The following SPG11 variants were observed in gnomAD, a reference collection of about 807,000 sequenced individuals.
SPG11 encodes the protein spatacsin.
In SPG11, 222 loss-of-function variants were observed where a neutral mutation model predicts 274.0. The observed-to-expected ratio is 0.81, with a 90% CI of 0.73 to 0.91. SPG11 has a LOEUF of 0.91. Ranked by LOEUF, SPG11 falls within the 40% of genes least tolerant of loss-of-function variation. SPG11 has a pLI of 0.00. For synonymous variants in SPG11, 1,144 were observed against 1,039.7 expected (o/e 1.10, Z -1.93); for missense variants, 3,114 against 2,872.7 (o/e 1.08, Z -1.92).
At chr15:44,603,802 A>G (rs748826438) in intron 20 of SPG11, among the ~76,000 whole-genome samples, 26 of 152,188 alleles carry the variant, frequency 1.7e-4, no homozygotes, top group Non-Finnish European at 3.2e-4. Context: ...TATAATACCC[A>G]ATAAATGTAA....
chr15:44,608,576 A>G lies in SPG11; in HGVS notation c.3321T>C (p.Cys1107=). ...ATAGCTGGGGATCCACTTTCTTCAA[A>G]CAGTTTTCATTTTCTTCATTCTGAA... ...QVVQNEENEN[C]LKKVDPQLLK... The change falls in exon 19 of 40, where the codon TGT becomes TGC. Residue 1107 remains cysteine, a synonymous_variant. Coordinates refer to ENST00000261866, the MANE Select transcript of SPG11 (RefSeq NM_025137.4). The G allele has an allele frequency of 6.2e-7, 1 of 1,613,984 alleles. No individual in the cohort carries two copies. Among genetic ancestry groups the G allele is most frequent in the South Asian group, 1.1e-5 (1 of 91,080 alleles).
intron 28 of SPG11, among the ~76,000 whole-genome samples, chr15:44,586,214 C>T (rs1172016882): frequency 2.0e-5 from 3 of 149,836 alleles, no homozygotes; most frequent in African/African-American, 2.5e-5. Flanking sequence ...CGACCGTGCC[C>T]GGACAAAAAA....
At chr15:44,614,216 C>G (rs1344189408) in intron 16 of SPG11, among the ~76,000 whole-genome samples, 1 of 152,136 alleles carries the variant, frequency 6.6e-6, no homozygotes, top group East Asian at 1.9e-4. Context: ...AATACAACTT[C>G]TCTTGGAACT....
At position 44,600,553 on chromosome 15, in the gene SPG11, A is replaced by T. The variant is rs970246397; in HGVS notation, c.3600T>A (p.Ala1200=). The change falls in exon 21 of 40, where the codon GCT becomes GCA. Residue 1200 remains alanine, a synonymous_variant. Coordinates refer to ENST00000261866, the MANE Select transcript of SPG11 (RefSeq NM_025137.4). ...KYAIVERLNF[A]YYLHNGRPSF... ...ATGGCCGCCCATTATGTAAATAATA[A>T]GCAAAATTCAGACGTTCCACTATAG... is the stretch of plus-strand genomic sequence containing the variant. 6.2e-7 allele frequency: 1 copy of T among 1,614,222 alleles called. No individual in the cohort carries two copies. Among genetic ancestry groups the T allele is most frequent in the Non-Finnish European group, 8.5e-7 (1 of 1,180,030 alleles).
At chr15:44,570,161 G>C (rs958019000) in intron 34 of SPG11, among the ~76,000 whole-genome samples, 2 of 152,176 alleles carry the variant, frequency 1.3e-5, no homozygotes, top group African/African-American at 4.8e-5. Context: ...AGGCACATGG[G>C]AACTGAGTTG....
In SPG11 at chr15:44,570,670, G is replaced by A; in HGVS notation, c.6344-12C>T. On this transcript the variant is annotated splice_polypyrimidine_tract_variant and intron_variant, in intron 33 of 39. Transcript: ENST00000261866. ...CAGGAGCTCTGTGGCTGGGAGGGTG[G>A]GCACTGGTAAGATAAGATTATGAAC... 1 of 1,613,210 alleles carries A rather than the reference G, an allele frequency of 6.2e-7. No individual in the cohort carries two copies. The highest frequency in any genetic ancestry group is 8.5e-7 in the Non-Finnish European group (1 of 1,179,676).
intron 19 of SPG11, 135 bp from the exon 20 acceptor site, chr15:44,606,226 A>G: frequency 1.4e-6 from 1 of 693,752 alleles, no homozygotes; most frequent in Non-Finnish European, 2.5e-6. Context: ...CTGGACATAA[A>G]TTCTTTGAAC....
At chr15:44,646,221 G>C (rs555165348) in intron 7 of SPG11, among the ~76,000 whole-genome samples, 4 of 152,132 alleles carry the variant, frequency 2.6e-5, no homozygotes, top group Admixed American at 2.0e-4. Context: ...CAAAGATATG[G>C]AATCAACCTA....
chr15:44,649,148 A>C, intron 6 of SPG11, 137 bp from the exon 7 acceptor site: 1 of 730,144 alleles, frequency 1.4e-6, no homozygotes, highest in Non-Finnish European at 2.3e-6. Flanking sequence ...ATCATGTACT[A>C]TAATGATCTT....
Position 44,657,879 on chromosome 15 carries a change from T to A in SPG11, c.668-583A>T, listed in dbSNP as rs1257984747. Among the ~76,000 whole-genome samples the A allele has an allele frequency of 4.6e-5, 7 of 152,144 alleles. 1 individual carries two copies. The South Asian group carries it at 8.3e-4, about 18-fold the overall frequency. On this transcript the variant is annotated intron_variant, in intron 3 of 39. Transcript: ENST00000261866. ...CTTTTAAATCTAAAGTAACAAAAAT[T>A]AGCTGGGCGTGGCGGCCCATGCCTA...
intron 26 of SPG11, among the ~76,000 whole-genome samples, chr15:44,594,209 G>C (rs1489209759): frequency 6.6e-6 from 1 of 151,240 alleles, no homozygotes; most frequent in Non-Finnish European, 1.5e-5. Flanking sequence ...GGAGGATCAC[G>C]AGGTCAGGAG....
chr15:44,580,059 T>C (rs1472719019), intron 30 of SPG11, among the ~76,000 whole-genome samples: 1 of 152,254 alleles, frequency 6.6e-6, no homozygotes, highest in Admixed American at 6.5e-5. Context: ...AAGAGCCCTT[T>C]ACAAATTGTA....
At chr15:44,639,626 T>G (rs899331461) in intron 7 of SPG11, among the ~76,000 whole-genome samples, 3 of 151,672 alleles carry the variant, frequency 2.0e-5, no homozygotes, top group African/African-American at 7.3e-5. Context: ...CCCTTGCAAC[T>G]GGGAGGCGGA....
At chr15:44,570,116 C>T (rs1377231758) in intron 34 of SPG11, among the ~76,000 whole-genome samples, 1 of 152,248 alleles carries the variant, frequency 6.6e-6, no homozygotes, top group African/African-American at 2.4e-5. Flanking sequence ...CTTGCTCAGC[C>T]ACTCAGGTCA....
At chr15:44,563,350 GT>G (rs773650055) in intron 39 of SPG11, 49 bp from the exon 40 acceptor site, 74 of 1,567,736 alleles carry the variant, frequency 4.7e-5, no homozygotes, top group Non-Finnish European at 6.2e-5. Flanking sequence ...TTTTTGTTTT[GT>G]TTTGTTTGAG....
intron 36 of SPG11, among the ~76,000 whole-genome samples, chr15:44,566,653 T>C (rs895477829): frequency 6.6e-6 from 1 of 152,120 alleles, no homozygotes; most frequent in African/African-American, 2.4e-5. Flanking sequence ...AAAGTCTCCA[T>C]TCCATCTGTC....
chr15:44,622,620 T>C (rs1304418810), intron 12 of SPG11, 108 bp downstream of exon 12: 1 of 933,404 alleles, frequency 1.1e-6, no homozygotes, highest in South Asian at 1.4e-5. Context: ...TTATTAGATA[T>C]TAGTTGAACA....
intron 6 of SPG11, among the ~76,000 whole-genome samples, chr15:44,650,444 A>C (rs939769076): frequency 5.3e-5 from 8 of 152,072 alleles, no homozygotes; most frequent in African/African-American, 1.9e-4. Flanking sequence ...GTTTGAGGTC[A>C]GGCGTTTCAG....
rs768471483 is a variant in SPG11 at position 44,660,662 on chromosome 15, T to C, written c.258-46A>G. 99 of 1,577,404 alleles carry C rather than the reference T, an allele frequency of 6.3e-5. 1 individual carries two copies. The highest frequency in any genetic ancestry group is 5.0e-4 in the Middle Eastern group (3 of 5,964). On this transcript the variant is annotated intron_variant, in intron 1 of 39. Transcript: ENST00000261866. ...TTATTATATTCTATATCCGCAATAA[T>C]ATTTACCCACAATGGTGGGGGTAGA...
Sources: gnomAD v4.1 joint callset for allele counts (sites outside exome capture counted in the v4.1 genomes callset) on GRCh38, gnomAD v4.1.1 for gene constraint, MANE v1.5 for transcripts, NCBI Gene and HGNC (gene_info 2026-07-23, HGNC 2026-07-21) for gene names.